Variants in DMRT1 observed in about 807,000 individuals in gnomAD.
The protein encoded by DMRT1 is doublesex and mab-3 related transcription factor 1.
DMRT1 carries 7 observed loss-of-function variants against 32.3 expected under a neutral mutation model. The observed-to-expected ratio is 0.22, with a 90% CI of 0.12 to 0.41. The LOEUF is 0.41. Among genes scored for constraint, DMRT1 ranks in the 10% least tolerant of loss-of-function variants. DMRT1 has a pLI of 1.00. For synonymous variants in DMRT1, 278 were observed against 206.1 expected, an observed-to-expected ratio of 1.35 and a Z score of -2.99; for missense variants, 625 against 500.5, an observed-to-expected ratio of 1.25 and a Z score of -2.37.
chr9:962,297 TG>T (rs1443710246), intron 4 of DMRT1, among the ~76,000 whole-genome samples: 1 of 151,960 alleles, frequency 6.6e-6, no homozygotes, highest in Non-Finnish European at 1.5e-5. Flanking sequence ...TGACTGAGTT[TG>T]GGGGCAAGGG....
At chr9:955,388 G>C (rs1035350240) in intron 4 of DMRT1, among the ~76,000 whole-genome samples, 3 of 152,196 alleles carry the variant, frequency 2.0e-5, no homozygotes, top group African/African-American at 7.2e-5. Context: ...AGAAGGGAAA[G>C]AAGGAAAAGA....
At chr9:855,920 C>T (rs1815379481) in intron 2 of DMRT1, among the ~76,000 whole-genome samples, 1 of 149,812 alleles carries the variant, frequency 6.7e-6, no homozygotes, top group Admixed American at 6.6e-5. Context: ...TGCCTGACCT[C>T]TGAATTTTTT....
At chr9:870,483 G>T (rs968656260) in intron 2 of DMRT1, among the ~76,000 whole-genome samples, 1 of 152,088 alleles carries the variant, frequency 6.6e-6, no homozygotes, top group Non-Finnish European at 1.5e-5. Context: ...AGTCCGTCCC[G>T]TGACAGCATC....
At chr9:852,284 G>C (rs1815177339) in intron 2 of DMRT1, among the ~76,000 whole-genome samples, 1 of 101,040 alleles carries the variant, frequency 9.9e-6, no homozygotes. Flanking sequence ...GCCATTTTTG[G>C]AGTATTCAGA....
In DMRT1 at chr9:842,021, G is replaced by C. The variant is rs745432885; in HGVS notation, c.183G>C (p.Ser61=). 3.2e-5 allele frequency: 50 copies of C among 1,549,518 alleles called. No individual in the cohort carries two copies. The South Asian group carries it at 5.8e-4, about 18-fold the overall frequency. The part of the protein sequence containing the change: ...SRGGGSGSGA[S]DLGAGSKKSP... ...GAGGCGGCTCCGGCTCCGGGGCGTC[G>C]GACCTGGGTGCCGGGAGCAAGAAGT... Residue 61 remains serine, a synonymous_variant, in exon 1 of 5, where the codon TCG becomes TCC. Coordinates refer to ENST00000382276, the MANE Select transcript of DMRT1 (RefSeq NM_021951.3).
intron 4 of DMRT1, among the ~76,000 whole-genome samples, chr9:967,746 C>T (rs1207180213): frequency 6.6e-6 from 1 of 152,160 alleles, no homozygotes; most frequent in African/African-American, 2.4e-5. Context: ...TGGAACTCTG[C>T]TATCTAGCTT....
rs1395026189 is a variant in DMRT1 at position 965,457 on chromosome 9, A to G, written c.968-2528A>G. Reference sequence around the variant, plus strand: ...AATATTCTGCATGCTTTGTGGCCCCACGTCGCAAGAGCACTTTCCAAGAAA... The same window carrying G: ...AATATTCTGCATGCTTTGTGGCCCCGCGTCGCAAGAGCACTTTCCAAGAAA... On this transcript the variant is annotated intron_variant, in intron 4 of 4. Transcript: ENST00000382276. This position sits in a 1 kb window ranked among gnomAD's most constrained non-coding sequence, Gnocchi z 4.5. Among the ~76,000 whole-genome samples, 1 of 152,220 alleles carries G rather than the reference A, an allele frequency of 6.6e-6. No individual in the cohort carries two copies. Among genetic ancestry groups the G allele is most frequent in the African/African-American group, 2.4e-5 (1 of 41,456 alleles).
At chr9:842,473 T>A in intron 1 of DMRT1, 1 of 428,846 alleles carries the variant, frequency 2.3e-6, no homozygotes, top group East Asian at 4.7e-5. Flanking sequence ...TGACCTCAGG[T>A]GATCCACCCG....
chr9:883,462 A>C (rs775526787), intron 2 of DMRT1, among the ~76,000 whole-genome samples: 14 of 151,980 alleles, frequency 9.2e-5, no homozygotes, highest in Non-Finnish European at 1.8e-4. Context: ...ATCGAATGAC[A>C]CAGCCTTTTA....
At chr9:846,377 T>C (rs1159080298) in intron 1 of DMRT1, among the ~76,000 whole-genome samples, 2 of 152,140 alleles carry the variant, frequency 1.3e-5, no homozygotes, top group Admixed American at 6.5e-5. Context: ...TACAATCTAC[T>C]CTTACTGGTA....
intron 2 of DMRT1, among the ~76,000 whole-genome samples, chr9:893,615 A>G (rs540389555): frequency 6.6e-6 from 1 of 152,258 alleles, no homozygotes; most frequent in Non-Finnish European, 1.5e-5. Context: ...TGACATTAGG[A>G]TAGGAATTTC....
At position 881,928 on chromosome 9, in the gene DMRT1, T is replaced by C. The variant is rs114484427; in HGVS notation, c.539-11984T>C. 4.1e-3 allele frequency among the ~76,000 whole-genome samples: 617 copies of C among 152,342 alleles called. 3 individuals are homozygous for C. The highest frequency in any genetic ancestry group is 0.014 in the African/African-American group (600 of 41,584). ...CTGGTATCTTGCCAATGGTAGGACA[T>C]TCTGAATTGGCCTAAAGAGAGAAAT... On this transcript the variant is annotated intron_variant, in intron 2 of 4. Transcript: ENST00000382276.
In DMRT1 at chr9:894,317, C is replaced by A. The variant is rs1817269445; in HGVS notation, c.822+122C>A. On this transcript the variant is annotated intron_variant, in intron 3 of 4. Coordinates refer to ENST00000382276, the MANE Select transcript of DMRT1 (RefSeq NM_021951.3). ...TGCGCCCAGAGGCACACACAGGTGA[C>A]ACACACAGGTACACACACATATGTG... 6 of 1,043,920 alleles carry A rather than the reference C, an allele frequency of 5.7e-6. No homozygotes were observed. The African/African-American group carries it at 7.9e-5, about 14-fold the overall frequency. The allele number at this position is 1,043,920 out of a possible 1,614,324, so 64.7% of individuals were successfully genotyped here.
intron 4 of DMRT1, among the ~76,000 whole-genome samples, chr9:959,079 T>C (rs1819687810): frequency 6.6e-6 from 1 of 152,276 alleles, no homozygotes; most frequent in East Asian, 1.9e-4. Context: ...TGTCACAGCC[T>C]ACTTTATGGG....
intron 2 of DMRT1, among the ~76,000 whole-genome samples, chr9:880,290 G>T (rs140299312): frequency 1.3e-5 from 2 of 152,144 alleles, no homozygotes; most frequent in South Asian, 2.1e-4. Context: ...TTAAAAAGAC[G>T]TGTACTCTGA....
intron 2 of DMRT1, among the ~76,000 whole-genome samples, chr9:879,211 C>A (rs989399072): frequency 2.6e-5 from 4 of 151,988 alleles, no homozygotes; most frequent in African/African-American, 9.7e-5. Flanking sequence ...CTCTCTACAA[C>A]CTTAAAAAGT....
At chr9:918,978 G>A (rs1309793525) in intron 4 of DMRT1, among the ~76,000 whole-genome samples, 1 of 152,198 alleles carries the variant, frequency 6.6e-6, no homozygotes, top group African/African-American at 2.4e-5. Context: ...TATCAGCATT[G>A]ACACAGTGGG....
chr9:843,760 C>T (rs1334721588), intron 1 of DMRT1, among the ~76,000 whole-genome samples: 3 of 152,224 alleles, frequency 2.0e-5, no homozygotes, highest in East Asian at 3.9e-4. Context: ...TGTAAATATC[C>T]TCCATTGAAA....
intron 2 of DMRT1, among the ~76,000 whole-genome samples, chr9:864,046 G>A (rs1285670470): frequency 2.0e-5 from 3 of 152,050 alleles, no homozygotes; most frequent in Admixed American, 2.0e-4. Context: ...CCAGGACTGA[G>A]TCCTCGTCAC....
Sources: allele counts gnomAD v4.1 joint callset (sites outside exome capture counted in the v4.1 genomes callset), GRCh38; gene constraint gnomAD v4.1.1; non-coding constraint Gnocchi (gnomAD v3.1); transcripts MANE v1.5; gene names NCBI Gene and HGNC (gene_info 2026-07-23, HGNC 2026-07-21).